Variants in XCR1 observed in about 807,000 individuals in gnomAD.
XCR1 encodes the protein X-C motif chemokine receptor 1, also known as chemokine XC receptor 1.
For missense variants in XCR1, 356 were observed against 424.2 expected (o/e 0.84, Z 1.41); for synonymous variants, 187 against 188.5 (o/e 0.99, Z 0.06).
intron 5 of XCR1, among the ~76,000 whole-genome samples, chr3:46,041,952 T>C (rs530414448): frequency 2.1e-4 from 32 of 152,354 alleles, no homozygotes; most frequent in African/African-American, 7.7e-4. Context: ...TCCCATTTCC[T>C]CAGCTTCAGC....
chr3:46,074,064 C>T (rs1214344280), intron 3 of XCR1, among the ~76,000 whole-genome samples: 1 of 152,058 alleles, frequency 6.6e-6, no homozygotes, highest in African/African-American at 2.4e-5. Context: ...CCAGCAACCC[C>T]ACTACTGGGT....
At chr3:46,025,463 A>C (rs1424583862) in intron 1 of XCR1, among the ~76,000 whole-genome samples, 1 of 152,202 alleles carries the variant, frequency 6.6e-6, no homozygotes, top group Non-Finnish European at 1.5e-5. Context: ...ATGAAGCCTT[A>C]TCTAGATTGA....
chr3:46,056,913 G>A (rs186850829), intron 4 of XCR1, among the ~76,000 whole-genome samples: 2 of 152,116 alleles, frequency 1.3e-5, no homozygotes, highest in Non-Finnish European at 2.9e-5. Context: ...ACAAAAGACC[G>A]TAGCAGCTTT....
chr3:46,039,757 G>A (rs1425852733), intron 5 of XCR1, among the ~76,000 whole-genome samples: 7 of 152,174 alleles, frequency 4.6e-5, no homozygotes, highest in Non-Finnish European at 8.8e-5. Flanking sequence ...TATTGTAGAA[G>A]AGGTAGGTCC....
intron 5 of XCR1, among the ~76,000 whole-genome samples, chr3:46,033,367 T>TA (rs1234445117): frequency 1.2e-4 from 18 of 152,234 alleles, no homozygotes; most frequent in Non-Finnish European, 1.5e-5. Context: ...GTGAAAGGTG[T>TA]AAGATCTGTG....
chr3:46,059,179 C>T (rs1378925434), intron 4 of XCR1, among the ~76,000 whole-genome samples: 1 of 152,204 alleles, frequency 6.6e-6, no homozygotes, highest in Non-Finnish European at 1.5e-5. Flanking sequence ...ATTCTTCCTA[C>T]ACTGCCTTCT....
chr3:46,072,188 C>T (rs940801810), intron 3 of XCR1, among the ~76,000 whole-genome samples: 1 of 151,996 alleles, frequency 6.6e-6, no homozygotes, highest in Non-Finnish European at 1.5e-5. Flanking sequence ...GACAGCAATC[C>T]CATTTACAAT....
chr3:46,027,893 T>C (rs1222847079), upstream of XCR1, among the ~76,000 whole-genome samples: 3 of 152,222 alleles, frequency 2.0e-5, no homozygotes, highest in Admixed American at 6.5e-5. Flanking sequence ...TTCATTTGCA[T>C]AAAGTGTAAC....
chr3:46,034,132 C>G (rs1221890745), intron 5 of XCR1, among the ~76,000 whole-genome samples: 1 of 152,060 alleles, frequency 6.6e-6, no homozygotes, highest in East Asian at 1.9e-4. Flanking sequence ...GCCCTCATGC[C>G]CAGCTAATTT....
At chr3:46,025,088 A>T (rs1250717897) in intron 1 of XCR1, among the ~76,000 whole-genome samples, 1 of 152,240 alleles carries the variant, frequency 6.6e-6, no homozygotes, top group Non-Finnish European at 1.5e-5. Flanking sequence ...GAAAGAATAA[A>T]CGTCTAAAAT....
rs527477127 is a variant in XCR1, at chr3:46,037,526, C to T, written c.-31-15548G>A. On this transcript the variant is annotated intron_variant, in intron 5 of 5. Coordinates refer to the XCR1 transcript ENST00000683768. ...TTAAAAAAGAAAATAAAATTTAGGA[C>T]AAAATAAGAAGTCCAAAAGTATCAT... Among the ~76,000 whole-genome samples the T allele has an allele frequency of 9.2e-5, 14 of 151,874 alleles. No homozygotes were observed. In the East Asian group the frequency reaches 2.1e-3, roughly 23 times the overall value.
intron 5 of XCR1, among the ~76,000 whole-genome samples, chr3:46,047,959 A>G (rs1378462111): frequency 6.6e-6 from 1 of 152,220 alleles, no homozygotes; most frequent in Non-Finnish European, 1.5e-5. Context: ...AGTCAGCACA[A>G]TTAGGGCGAC....
chr3:46,037,821 T>C (rs1019128153), intron 5 of XCR1, among the ~76,000 whole-genome samples: 2 of 152,172 alleles, frequency 1.3e-5, no homozygotes, highest in African/African-American at 2.4e-5. Flanking sequence ...AGATTTAGCA[T>C]GGAGCCAAAT....
intron 1 of XCR1, among the ~76,000 whole-genome samples, chr3:46,081,522 A>G (rs1471688187): frequency 6.6e-6 from 1 of 152,178 alleles, no homozygotes; most frequent in African/African-American, 2.4e-5. Flanking sequence ...AGCTCTGGGG[A>G]GATGAAATCA....
In XCR1 at chr3:46,019,146, A is replaced by G. The variant is rs1271820151; in HGVS notation, c.*1800T>C. ...GCCATCGCCACAGAGAGAGATAAGCAATCTCTCTACTACTACACCCTACTC... is the reference window on the plus strand; with the variant it reads ...GCCATCGCCACAGAGAGAGATAAGCGATCTCTCTACTACTACACCCTACTC... On this transcript the variant is annotated 3_prime_UTR_variant, in exon 2 of 2. Coordinates refer to ENST00000309285, the MANE Select transcript of XCR1 (RefSeq NM_001024644.2). 6.6e-6 allele frequency: 1 copy of G among 152,336 alleles called. No homozygotes were observed. Among genetic ancestry groups the G allele is most frequent in the East Asian group, 1.9e-4 (1 of 5,184 alleles). 9.4% of individuals were successfully genotyped at this position (152,336 alleles called of 1,614,324 possible).
intron 4 of XCR1, among the ~76,000 whole-genome samples, chr3:46,061,637 A>G (rs1002376180): frequency 6.6e-6 from 1 of 152,144 alleles, no homozygotes; most frequent in Non-Finnish European, 1.5e-5. Context: ...ACTCCTTAGG[A>G]CAGTCCTTTT....
At chr3:46,050,790 A>C (rs1457855555) in intron 5 of XCR1, among the ~76,000 whole-genome samples, 5 of 152,096 alleles carry the variant, frequency 3.3e-5, no homozygotes, top group Non-Finnish European at 5.9e-5. Flanking sequence ...TATCCTTAAG[A>C]TCTATAATTA....
At chr3:46,076,347 G>A (rs1210524111) in intron 2 of XCR1, among the ~76,000 whole-genome samples, 2 of 152,146 alleles carry the variant, frequency 1.3e-5, no homozygotes, top group Non-Finnish European at 2.9e-5. Flanking sequence ...TGTAAGGTAT[G>A]AGTCCTGCTG....
At chr3:46,070,795 G>A (rs927925127) in intron 3 of XCR1, among the ~76,000 whole-genome samples, 2 of 151,644 alleles carry the variant, frequency 1.3e-5, no homozygotes, top group Non-Finnish European at 2.9e-5. Context: ...GTGACATTTT[G>A]TTCCTGTCAT....
Sources: allele counts gnomAD v4.1 joint callset (sites outside exome capture counted in the v4.1 genomes callset), GRCh38; gene constraint gnomAD v4.1.1; transcripts MANE v1.5; gene names NCBI Gene and HGNC (gene_info 2026-07-23, HGNC 2026-07-21).